Variants in CTNND2 observed in about 807,000 individuals in gnomAD.
CTNND2 encodes the protein catenin delta 2.
In CTNND2, 22 loss-of-function variants were observed where a neutral mutation model predicts 144.4. The observed-to-expected ratio is 0.15, with a 90% CI of 0.11 to 0.22. The LOEUF (loss-of-function observed/expected upper bound fraction) is 0.22, where lower values mean the gene tolerates loss of function less well. Ranked by LOEUF, CTNND2 falls within the 10% of genes least tolerant of loss-of-function variation. The pLI is 1.00. For missense variants in CTNND2, 1,353 were observed against 1,618.8 expected, an observed-to-expected ratio of 0.84 and a Z score of 2.82; for synonymous variants, 751 against 695.6, an observed-to-expected ratio of 1.08 and a Z score of -1.25.
At chr5:11,351,601 T>C (rs1755347210) in intron 8 of CTNND2, among the ~76,000 whole-genome samples, 1 of 152,164 alleles carries the variant, frequency 6.6e-6, no homozygotes, top group South Asian at 2.1e-4. Context: ...TGCTTTATGA[T>C]AGATAATTGC....
At chr5:11,887,340 G>A (rs1166607977) in intron 1 of CTNND2, among the ~76,000 whole-genome samples, 1 of 151,748 alleles carries the variant, frequency 6.6e-6, no homozygotes, top group Non-Finnish European at 1.5e-5. Flanking sequence ...CCTCACCTTT[G>A]CCAAAAATCC....
Position 11,818,878 on chromosome 5 carries a change from C to T in CTNND2, c.37+84939G>A, listed in dbSNP as rs74767446. Reference sequence around the variant, plus strand: ...GGTTTTGGATTATAGCGGGTTTCCTCTCCTCAGCAAAGAGTTGTGGCTGTG... The same window carrying T: ...GGTTTTGGATTATAGCGGGTTTCCTTTCCTCAGCAAAGAGTTGTGGCTGTG... On this transcript the variant is annotated intron_variant, in intron 1 of 21. Transcript: ENST00000304623. 9.9e-5 allele frequency among the ~76,000 whole-genome samples: 15 copies of T among 152,272 alleles called. No homozygotes were observed. In the East Asian group the frequency reaches 2.9e-3, roughly 29 times the overall value.
intron 9 of CTNND2, among the ~76,000 whole-genome samples, chr5:11,298,600 A>C (rs1476978738): frequency 6.6e-6 from 1 of 152,192 alleles, no homozygotes; most frequent in Non-Finnish European, 1.5e-5. Flanking sequence ...TCTCTCATTT[A>C]GTTATGTCTC....
At chr5:11,096,578 A>G (rs150102756) in intron 15 of CTNND2, among the ~76,000 whole-genome samples, 14 of 152,216 alleles carry the variant, frequency 9.2e-5, no homozygotes, top group African/African-American at 3.4e-4. Context: ...TTGTTCTTTT[A>G]CATATTTTTC....
intron 1 of CTNND2, among the ~76,000 whole-genome samples, chr5:11,763,466 A>T (rs1789395687): frequency 6.6e-6 from 1 of 152,188 alleles, no homozygotes; most frequent in Non-Finnish European, 1.5e-5. Context: ...CCCATTCTGC[A>T]CAGGTTATTT....
chr5:11,638,711 C>G (rs1358386918), intron 2 of CTNND2, among the ~76,000 whole-genome samples: 2 of 152,050 alleles, frequency 1.3e-5, no homozygotes, highest in African/African-American at 4.8e-5. Flanking sequence ...GTAGCTGGAA[C>G]TACAGGTGCC....
rs184647693 is a variant in CTNND2, at chr5:11,056,938, C to G, written c.2788+25758G>C. Reference sequence around the variant, plus strand: ...TCAGGTCTGGTCAGGGCCAGTGTCACTCTTCATGTCTGAAGGTGATTTCAC... The same window carrying G: ...TCAGGTCTGGTCAGGGCCAGTGTCAGTCTTCATGTCTGAAGGTGATTTCAC... On this transcript the variant is annotated intron_variant, in intron 16 of 21. Coordinates refer to ENST00000304623, the MANE Select transcript of CTNND2 (RefSeq NM_001332.4). 1.3e-3 allele frequency among the ~76,000 whole-genome samples: 201 copies of G among 152,348 alleles called. No homozygotes were observed. In the South Asian group the frequency reaches 0.014, roughly 10 times the overall value.
chr5:11,435,439 G>A (rs770452865), intron 3 of CTNND2, among the ~76,000 whole-genome samples: 2 of 152,004 alleles, frequency 1.3e-5, no homozygotes, highest in Non-Finnish European at 1.5e-5. Flanking sequence ...ACCGCGCCCC[G>A]CCGTTTGACA....
chr5:11,082,664 A>T (rs751961353), intron 16 of CTNND2, 32 bp downstream of exon 16: 22 of 1,608,272 alleles, frequency 1.4e-5, no homozygotes, highest in Non-Finnish European at 1.8e-5. Flanking sequence ...TTCACTTAAC[A>T]CTTGAGACAC....
At chr5:11,374,474 C>T (rs1489718617) in intron 7 of CTNND2, among the ~76,000 whole-genome samples, 2 of 152,128 alleles carry the variant, frequency 1.3e-5, no homozygotes, top group Admixed American at 6.5e-5. Context: ...AGAGTCTTCA[C>T]CACCACAATC....
intron 9 of CTNND2, among the ~76,000 whole-genome samples, chr5:11,325,271 C>T (rs1260495645): frequency 6.6e-6 from 1 of 152,002 alleles, no homozygotes; most frequent in Non-Finnish European, 1.5e-5. Context: ...CTTGATATTT[C>T]ATTAAACCAA....
chr5:11,427,440 G>A (rs893424016), intron 3 of CTNND2, among the ~76,000 whole-genome samples: 3 of 151,828 alleles, frequency 2.0e-5, no homozygotes, highest in Non-Finnish European at 2.9e-5. Context: ...GCCATGCCCG[G>A]CTAATTTTTT....
At chr5:11,717,133 G>A (rs934717365) in intron 2 of CTNND2, among the ~76,000 whole-genome samples, 4 of 151,996 alleles carry the variant, frequency 2.6e-5, no homozygotes, top group South Asian at 2.1e-4. Context: ...CTCCCAAAGT[G>A]CTGGGATTAC....
intron 2 of CTNND2, among the ~76,000 whole-genome samples, chr5:11,685,710 T>C (rs956120417): frequency 2.0e-5 from 3 of 152,186 alleles, no homozygotes; most frequent in African/African-American, 4.8e-5. Flanking sequence ...CTACTACGAA[T>C]TGCAATTTAA....
intron 9 of CTNND2, among the ~76,000 whole-genome samples, chr5:11,240,603 A>AAC (rs898407271): frequency 1.5e-5 from 2 of 132,422 alleles, no homozygotes; most frequent in Non-Finnish European, 3.2e-5. Context: ...ACACACACCC[A>AAC]ACACACACAC....
At chr5:11,675,687 T>TA (rs1190821996) in intron 2 of CTNND2, among the ~76,000 whole-genome samples, 5 of 152,150 alleles carry the variant, frequency 3.3e-5, no homozygotes, top group South Asian at 2.1e-4. Flanking sequence ...ATATAAATGT[T>TA]AAAAAAACTG....
intron 19 of CTNND2, among the ~76,000 whole-genome samples, chr5:10,990,281 T>C (rs61751692): frequency 3.6e-4 from 55 of 152,296 alleles, no homozygotes; most frequent in African/African-American, 9.4e-4. Flanking sequence ...TCTGGGGAGA[T>C]GTGAGGGGCA....
intron 9 of CTNND2, among the ~76,000 whole-genome samples, chr5:11,317,136 T>C (rs1395916090): frequency 1.3e-5 from 2 of 152,144 alleles, no homozygotes; most frequent in African/African-American, 4.8e-5. Context: ...CTCACACCAG[T>C]TAGAATGGCG....
At chr5:11,758,641 A>G (rs976092251) in intron 1 of CTNND2, among the ~76,000 whole-genome samples, 15 of 152,062 alleles carry the variant, frequency 9.9e-5, no homozygotes. Flanking sequence ...CTGTGTTTAC[A>G]ATTACTTTAT....
Sources: allele counts gnomAD v4.1 joint callset (sites outside exome capture counted in the v4.1 genomes callset), GRCh38; gene constraint gnomAD v4.1.1; transcripts MANE v1.5; gene names NCBI Gene and HGNC (gene_info 2026-07-23, HGNC 2026-07-21).